The following B4GALNT3 variants were observed in gnomAD, a reference collection of about 807,000 sequenced individuals.
The protein encoded by B4GALNT3 is beta-1,4-N-acetyl-galactosaminyltransferase 3, also known as beta-1,4-N-acetylgalactosaminyltransferase 3.
B4GALNT3 carries 86 observed loss-of-function variants against 120.2 expected under a neutral mutation model. The ratio of observed to expected loss-of-function variants is 0.72; its 90% CI spans 0.60 to 0.86. The LOEUF (loss-of-function observed/expected upper bound fraction) is 0.86. Ranked by LOEUF, B4GALNT3 falls within the 40% of genes least tolerant of loss-of-function variation. The probability of loss-of-function intolerance (pLI) is 0.00; values close to 1 mark genes in which losing one functional copy is unlikely to be tolerated. For missense variants in B4GALNT3, 1,167 were observed against 1,298.9 expected (o/e 0.90, Z 1.56); for synonymous variants, 518 against 510.4 (o/e 1.01, Z -0.20).
Position 502,386 on chromosome 12 carries a change from C to A in B4GALNT3, c.170-32780C>A, listed in dbSNP as rs145412352. Among the ~76,000 whole-genome samples, 593 of 152,274 alleles carry A rather than the reference C, an allele frequency of 3.9e-3. 4 individuals are homozygous for A. The highest frequency in any genetic ancestry group is 0.014 in the African/African-American group (566 of 41,550). On this transcript the variant is annotated intron_variant, in intron 1 of 19. Coordinates refer to ENST00000266383, the MANE Select transcript of B4GALNT3 (RefSeq NM_173593.4). Reference sequence around the variant, plus strand: ...CTGCGCTCATTGCCTCCTAATTATACGCTCTGGGGCCTCCCTTGAAGGTAA... The same window carrying A: ...CTGCGCTCATTGCCTCCTAATTATAAGCTCTGGGGCCTCCCTTGAAGGTAA...
chr12:547,633 C>T (rs979125235), intron 7 of B4GALNT3, among the ~76,000 whole-genome samples: 1 of 152,170 alleles, frequency 6.6e-6, no homozygotes, highest in Non-Finnish European at 1.5e-5. Context: ...CCCACCTCCA[C>T]CCCTCATCAC....
Position 551,046 on chromosome 12 carries a change from TG to T in B4GALNT3, c.1107+18del. 6.3e-7 allele frequency: 1 copy of T among 1,584,232 alleles called. No homozygotes were observed. Among genetic ancestry groups the T allele is most frequent in the Non-Finnish European group, 8.7e-7 (1 of 1,153,300 alleles). On this transcript the variant is annotated intron_variant, in intron 11 of 19. Transcript: ENST00000266383. ...GACTCCGGTTTGTAAGTCTTGGGCC[TG>T]GGTCATGGAGAGCAGGGCTGGCAGA...
intron 1 of B4GALNT3, among the ~76,000 whole-genome samples, chr12:530,419 A>G (rs184325469): frequency 6.6e-6 from 1 of 152,380 alleles, no homozygotes; most frequent in East Asian, 1.9e-4. Context: ...GTCCCAGCAC[A>G]GAATCTGTAA....
chr12:508,979 G>A (rs1946522336), intron 1 of B4GALNT3, among the ~76,000 whole-genome samples: 1 of 152,218 alleles, frequency 6.6e-6, no homozygotes, highest in East Asian at 1.9e-4. Context: ...ACCTTTAACA[G>A]CCTTGCTGGG....
rs886655707 is a variant in B4GALNT3 at position 542,330 on chromosome 12, T to G, written c.352-2009T>G. ...ACACCTGGGACCTCGGGCACTCCTG[T>G]TGAGGAGTTATTCCCTGCCCCCTCC... On this transcript the variant is annotated intron_variant, in intron 3 of 19. Coordinates refer to ENST00000266383, the MANE Select transcript of B4GALNT3 (RefSeq NM_173593.4). Among the ~76,000 whole-genome samples the G allele has an allele frequency of 9.2e-5, 14 of 151,930 alleles. 1 individual carries two copies. The highest frequency in any genetic ancestry group is 2.9e-5 in the Non-Finnish European group (2 of 67,928).
chr12:468,838 ATG>A (rs1413630198), intron 1 of B4GALNT3, among the ~76,000 whole-genome samples: 10 of 152,182 alleles, frequency 6.6e-5, no homozygotes, highest in African/African-American at 1.7e-4. Flanking sequence ...AGCAGAGGCT[ATG>A]TGTGTGTCTC....
chr12:509,890 T>C (rs1946529780), intron 1 of B4GALNT3, among the ~76,000 whole-genome samples: 1 of 152,174 alleles, frequency 6.6e-6, no homozygotes, highest in South Asian at 2.1e-4. Context: ...CCAGGACATC[T>C]CTATTCCACA....
intron 1 of B4GALNT3, among the ~76,000 whole-genome samples, chr12:502,287 G>A (rs757729284): frequency 3.9e-5 from 6 of 152,170 alleles, no homozygotes; most frequent in Admixed American, 6.5e-5. Context: ...GTGTCCCAGC[G>A]TCCTGCAGCC....
chr12:504,118 T>TAAA (rs71045066), intron 1 of B4GALNT3, among the ~76,000 whole-genome samples: 8,488 of 142,326 alleles, frequency 0.06, 326 homozygotes, highest in Non-Finnish European at 0.082. Flanking sequence ...CTGTCTCAAT[T>TAAA]AAAAAAAAAA....
At chr12:507,385 C>T (rs1020169220) in intron 1 of B4GALNT3, among the ~76,000 whole-genome samples, 28 of 152,218 alleles carry the variant, frequency 1.8e-4, no homozygotes, top group African/African-American at 6.0e-4. Flanking sequence ...TTTACACTGC[C>T]CTTGGCACAG....
intron 3 of B4GALNT3, among the ~76,000 whole-genome samples, chr12:540,269 C>T (rs1282994772): frequency 6.6e-6 from 1 of 152,212 alleles, no homozygotes; most frequent in Non-Finnish European, 1.5e-5. Flanking sequence ...TACATGTCTG[C>T]CTCCTTTGAG....
intron 1 of B4GALNT3, among the ~76,000 whole-genome samples, chr12:511,986 C>T (rs1465678112): frequency 1.0e-4 from 15 of 146,910 alleles, no homozygotes; most frequent in East Asian, 6.2e-4. Flanking sequence ...TTCCGCATTC[C>T]GCCTTCCATC....
At chr12:514,397 C>T (rs1377045852) in intron 1 of B4GALNT3, among the ~76,000 whole-genome samples, 6 of 151,766 alleles carry the variant, frequency 4.0e-5, no homozygotes. Flanking sequence ...CGGGGTTTCA[C>T]CGTGTTAGCC....
chr12:529,269 C>T (rs750166361), intron 1 of B4GALNT3, among the ~76,000 whole-genome samples: 20 of 152,356 alleles, frequency 1.3e-4, no homozygotes, highest in Non-Finnish European at 2.5e-4. Context: ...CCCACCTCTC[C>T]TGTTGGCATT....
At chr12:535,425 GC>G (rs1194235766) in intron 2 of B4GALNT3, among the ~76,000 whole-genome samples, 156 bp downstream of exon 2, 1 of 152,178 alleles carries the variant, frequency 6.6e-6, no homozygotes, top group East Asian at 1.9e-4. Context: ...GGACCTCCTA[GC>G]TGAGCCTTAG....
chr12:549,979 G>C, intron 10 of B4GALNT3, 67 bp downstream of exon 10: 1 of 1,516,192 alleles, frequency 6.6e-7, no homozygotes, highest in Non-Finnish European at 8.9e-7. Context: ...ACTGCTGATG[G>C]TGGAGAAGGC....
chr12:521,027 T>C (rs1223205824), intron 1 of B4GALNT3, among the ~76,000 whole-genome samples: 1 of 152,214 alleles, frequency 6.6e-6, no homozygotes, highest in Non-Finnish European at 1.5e-5. Context: ...AGCTGCATTT[T>C]AGGTGCCTTT....
At chr12:472,597 C>T (rs1272470856) in intron 1 of B4GALNT3, among the ~76,000 whole-genome samples, 1 of 152,250 alleles carries the variant, frequency 6.6e-6, no homozygotes, top group Admixed American at 6.5e-5. Flanking sequence ...GCCACCACGC[C>T]TGGCTAATTT....
At position 562,693 on chromosome 12, in the gene B4GALNT3, A is replaced by T. The variant is rs1256097331; in HGVS notation, c.*1242A>T. The T allele has an allele frequency of 1.3e-5, 2 of 152,340 alleles. No individual in the cohort carries two copies. Among genetic ancestry groups the T allele is most frequent in the Non-Finnish European group, 2.9e-5 (2 of 68,094 alleles). 9.4% of individuals were successfully genotyped at this position (152,340 alleles called of 1,614,324 possible). A position where few individuals can be genotyped will look rare whatever the true frequency, so the allele number is the denominator to read the frequency against. The stretch of plus-strand genomic sequence containing the variant: ...TTTAGTCGATGCCACCCTTTCTGTC[A>T]CCTGGAGACCTTGTACTTCTCTTGC... On this transcript the variant is annotated 3_prime_UTR_variant, in exon 20 of 20. Transcript: ENST00000266383. The surrounding 1 kb of genome is among the most constrained non-coding windows in gnomAD (Gnocchi z 5.2).
Sources: gnomAD v4.1 joint callset for allele counts (sites outside exome capture counted in the v4.1 genomes callset) on GRCh38, gnomAD v4.1.1 for gene constraint, Gnocchi (gnomAD v3.1) non-coding constraint, MANE v1.5 for transcripts, NCBI Gene and HGNC (gene_info 2026-07-23, HGNC 2026-07-21) for gene names.